Variants in SYNPO observed in about 807,000 individuals in gnomAD.
The protein encoded by SYNPO is synaptopodin.
SYNPO carries 19 observed loss-of-function variants against 49.5 expected under a neutral mutation model. The observed-to-expected ratio is 0.38, with a 90% CI of 0.27 to 0.56. The LOEUF (loss-of-function observed/expected upper bound fraction) is 0.56, where lower values mean the gene tolerates loss of function less well. SYNPO is among the 20% of genes least tolerant of loss of function. The pLI, the probability that SYNPO is intolerant of heterozygous loss-of-function variation, is 0.68. For missense variants in SYNPO, 1,131 were observed against 1,248.3 expected (o/e 0.91, Z 1.42); for synonymous variants, 536 against 548.0 (o/e 0.98, Z 0.31).
the SYNPO span, among the ~76,000 whole-genome samples, chr5:150,594,932 G>T: frequency 6.6e-6 from 1 of 152,200 alleles, no homozygotes; most frequent in Admixed American, 6.5e-5. Context: ...GTGGAAGGAG[G>T]TCAGAGGCCT....
In SYNPO at chr5:150,647,978, T is replaced by G. The variant is rs1561653470; in HGVS notation, c.-298T>G. 13 of 1,551,780 alleles carry G rather than the reference T, an allele frequency of 8.4e-6. No homozygotes were observed. The highest frequency in any genetic ancestry group is 9.6e-6 in the Non-Finnish European group (11 of 1,146,984). On this transcript the variant is annotated 5_prime_UTR_variant, in exon 2 of 3. Transcript: ENST00000307662. ...GGAGCACTAGCCTCACGGAGAAGGA[T>G]CTGAAAGAAGCCAAGGCGCGGAGCC...
At chr5:150,625,783 G>A (rs1757336160) in intron 2 of SYNPO, among the ~76,000 whole-genome samples, 1 of 151,760 alleles carries the variant, frequency 6.6e-6, no homozygotes, top group African/African-American at 2.4e-5. Context: ...GAAGGTGCCA[G>A]GGAACTCCGT....
intron 1 of SYNPO, among the ~76,000 whole-genome samples, chr5:150,641,136 C>T (rs1049262955): frequency 3.0e-4 from 46 of 152,318 alleles, no homozygotes; most frequent in African/African-American, 1.1e-3. Flanking sequence ...AGATTGCGCT[C>T]GCCATGACTC....
At chr5:150,596,921 GA>G (rs1756435941), upstream of SYNPO, among the ~76,000 whole-genome samples, 1 of 152,216 alleles carries the variant, frequency 6.6e-6, no homozygotes, top group South Asian at 2.1e-4. Flanking sequence ...GCAAGGGCTG[GA>G]AAGCCTCATG....
intron 2 of SYNPO, among the ~76,000 whole-genome samples, chr5:150,623,015 G>T (rs1757230055): frequency 6.6e-6 from 1 of 152,130 alleles, no homozygotes; most frequent in South Asian, 2.1e-4. Flanking sequence ...TCCATGCATG[G>T]GGTACACACT....
chr5:150,590,428 C>G, the SYNPO span, among the ~76,000 whole-genome samples: 9 of 152,256 alleles, frequency 5.9e-5, no homozygotes, highest in South Asian at 2.1e-4. Flanking sequence ...CACACAGCAA[C>G]TTGGTAGAGC....
At chr5:150,594,839 C>T in the SYNPO span, among the ~76,000 whole-genome samples, 23 of 152,230 alleles carry the variant, frequency 1.5e-4, no homozygotes, top group African/African-American at 4.6e-4. Flanking sequence ...AGGTAATGGT[C>T]GAGCAGGACT....
chr5:150,617,351 A>G (rs1298847118), intron 1 of SYNPO, among the ~76,000 whole-genome samples: 4 of 151,996 alleles, frequency 2.6e-5, no homozygotes, highest in Admixed American at 6.6e-5. Context: ...GCTGGAGTGC[A>G]ATGGGGCGAT....
chr5:150,635,480 G>T (rs1394970951), intron 2 of SYNPO, among the ~76,000 whole-genome samples: 3 of 152,156 alleles, frequency 2.0e-5, no homozygotes, highest in Non-Finnish European at 2.9e-5. Flanking sequence ...TGTTTGTTTG[G>T]TTTTTTTAGA....
chr5:150,643,487 G>A (rs1231769530), intron 1 of SYNPO, among the ~76,000 whole-genome samples: 4 of 152,198 alleles, frequency 2.6e-5, no homozygotes, highest in African/African-American at 7.2e-5. Context: ...GGGATCTGAT[G>A]TATCTGCAAA....
intron 2 of SYNPO, chr5:150,652,266 G>C: frequency 1.0e-6 from 1 of 1,000,056 alleles, no homozygotes; most frequent in East Asian, 1.1e-4. Context: ...TCATTCTGCA[G>C]CTCCTGCGGC....
At chr5:150,586,757 T>C in the SYNPO span, among the ~76,000 whole-genome samples, 1 of 152,252 alleles carries the variant, frequency 6.6e-6, no homozygotes. Context: ...CCCTGGAATA[T>C]AGTAAAAACC....
At chr5:150,622,622 C>T (rs901770178) in intron 2 of SYNPO, among the ~76,000 whole-genome samples, 1 of 152,178 alleles carries the variant, frequency 6.6e-6, no homozygotes, top group African/African-American at 2.4e-5. Context: ...TCAGATGAGT[C>T]CTGCCACTGG....
In SYNPO at chr5:150,619,891, G is replaced by C. The variant is rs1757098908; in HGVS notation, c.400+1124G>C. On this transcript the variant is annotated intron_variant, in intron 2 of 2. Transcript: ENST00000394243. Reference sequence around the variant, plus strand: ...GGGTCACACAGGGGGCTGGGCAGGAGCAAGAAAGGACCTTTAATCCCTCTA... The same window carrying C: ...GGGTCACACAGGGGGCTGGGCAGGACCAAGAAAGGACCTTTAATCCCTCTA... Among the ~76,000 whole-genome samples, 5 of 152,080 alleles carry C rather than the reference G, an allele frequency of 3.3e-5. No homozygotes were observed. The South Asian group carries it at 1.0e-3, about 32-fold the overall frequency.
intron 2 of SYNPO, among the ~76,000 whole-genome samples, chr5:150,630,072 C>A (rs766451614): frequency 2.6e-5 from 4 of 152,166 alleles, no homozygotes; most frequent in Non-Finnish European, 5.9e-5. Flanking sequence ...GGTCTAGGGT[C>A]CGGGGCTCTG....
chr5:150,650,859 T>C (rs1758352877), intron 2 of SYNPO: 1 of 1,264,138 alleles, frequency 7.9e-7, no homozygotes, highest in Non-Finnish European at 1.0e-6. Flanking sequence ...TGGGCCTGTC[T>C]CTTCTGCCTC....
chr5:150,650,371 C>T (rs540392801), intron 2 of SYNPO, 68 bp downstream of exon 2: 11 of 1,596,134 alleles, frequency 6.9e-6, no homozygotes, highest in East Asian at 2.3e-5. Flanking sequence ...TCAAGTTCCC[C>T]TCCTTGAGGG....
Position 150,650,276 on chromosome 5 carries a change from T to C in SYNPO, c.2001T>C (p.Ser667=), listed in dbSNP as rs1758322565. ...AGCAGGCCCCCAGGCCCTCCTTCTC[T>C]ACCCGGAACGCCGGGATCGAGGCTC... is the stretch of plus-strand genomic sequence containing the variant. ...RAKQAPRPSF[S]TRNAGIEAQD... Residue 667 remains serine (S), a synonymous_variant, in exon 2 of 3, where the codon TCT becomes TCC. Coordinates refer to ENST00000307662, the MANE Select transcript of SYNPO (RefSeq NM_007286.6). 1.2e-6 allele frequency: 2 copies of C among 1,613,946 alleles called. No homozygotes were observed. Among genetic ancestry groups the C allele is most frequent in the Admixed American group, 1.7e-5 (1 of 60,006 alleles).
intron 1 of SYNPO, among the ~76,000 whole-genome samples, chr5:150,646,105 G>T (rs1758079510): frequency 1.3e-5 from 2 of 151,788 alleles, no homozygotes; most frequent in Non-Finnish European, 2.9e-5. Context: ...CAAGGCCAGA[G>T]TATCACTTGG....
Sources: allele counts gnomAD v4.1 joint callset (sites outside exome capture counted in the v4.1 genomes callset), GRCh38; gene constraint gnomAD v4.1.1; transcripts MANE v1.5; gene names NCBI Gene and HGNC (gene_info 2026-07-23, HGNC 2026-07-21).